PLCB1: variants seen among roughly 807,000 people sequenced by gnomAD.
The protein encoded by PLCB1 is phospholipase C beta 1, also known as 1-phosphatidylinositol 4,5-bisphosphate phosphodiesterase beta-1.
A neutral mutation model predicts 161.8 loss-of-function variants in PLCB1; 46 were observed. That is an observed-to-expected ratio of 0.28 (90% CI 0.22 to 0.36). PLCB1 has a LOEUF of 0.36. PLCB1 is among the 10% of genes least tolerant of loss of function. The pLI, the probability that PLCB1 is intolerant of heterozygous loss-of-function variation, is 1.00. For synonymous variants in PLCB1, 517 were observed against 503.7 expected (o/e 1.03, Z -0.35); for missense variants, 1,016 against 1,472.5 (o/e 0.69, Z 5.07).
chr20:8,429,312 G>T (rs754241420), intron 3 of PLCB1, among the ~76,000 whole-genome samples: 2 of 152,192 alleles, frequency 1.3e-5, no homozygotes, highest in African/African-American at 4.8e-5. Context: ...AATAACTCAT[G>T]TTGGAAAGAC....
Position 8,692,828 on chromosome 20 carries a change from C to T in PLCB1, c.1010-4798C>T, listed in dbSNP as rs1408235132. Among the ~76,000 whole-genome samples, 3 of 152,076 alleles carry T rather than the reference C, an allele frequency of 2.0e-5. No homozygotes were observed. In the East Asian group the frequency reaches 5.8e-4, roughly 29 times the overall value. Reference sequence around the variant, plus strand: ...AGTGAAGAAAATGTTCCTAGAGGTTCCCTGACAGCCCCCCACCTCCATCCC... The same window carrying T: ...AGTGAAGAAAATGTTCCTAGAGGTTTCCTGACAGCCCCCCACCTCCATCCC... On this transcript the variant is annotated intron_variant, in intron 10 of 31. Coordinates refer to ENST00000338037, the MANE Select transcript of PLCB1 (RefSeq NM_015192.4).
At chr20:8,337,182 A>G (rs1985613103) in intron 2 of PLCB1, among the ~76,000 whole-genome samples, 1 of 152,236 alleles carries the variant, frequency 6.6e-6, no homozygotes. Context: ...TATGCATTAA[A>G]TTATTTAATC....
intron 2 of PLCB1, among the ~76,000 whole-genome samples, chr20:8,326,430 C>T (rs939268257): frequency 1.3e-5 from 2 of 152,262 alleles, no homozygotes; most frequent in South Asian, 2.1e-4. Flanking sequence ...AAAGAATAGG[C>T]GATTTTCAGT....
At chr20:8,325,635 G>A (rs2122175094) in intron 2 of PLCB1, among the ~76,000 whole-genome samples, 1 of 152,256 alleles carries the variant, frequency 6.6e-6, no homozygotes, top group African/African-American at 2.4e-5. Flanking sequence ...TTAAAGACAA[G>A]GGTCAGGAAG....
chr20:8,657,490 G>C (rs182309570), intron 8 of PLCB1, among the ~76,000 whole-genome samples: 1 of 152,170 alleles, frequency 6.6e-6, no homozygotes, highest in East Asian at 1.9e-4. Flanking sequence ...AGTTTGCTGT[G>C]ATATATTGCT....
At chr20:8,356,785 A>G (rs552896959) in intron 2 of PLCB1, among the ~76,000 whole-genome samples, 1 of 152,204 alleles carries the variant, frequency 6.6e-6, no homozygotes, top group African/African-American at 2.4e-5. Flanking sequence ...GATGGGGCCT[A>G]TAAGGAGACC....
At chr20:8,153,517 A>G (rs900171754) in intron 2 of PLCB1, among the ~76,000 whole-genome samples, 8 of 152,178 alleles carry the variant, frequency 5.3e-5, no homozygotes, top group Non-Finnish European at 7.4e-5. Context: ...ACTAGAAACC[A>G]ACACAGGAAG....
At chr20:8,157,954 A>G (rs2051579470) in intron 2 of PLCB1, among the ~76,000 whole-genome samples, 1 of 152,164 alleles carries the variant, frequency 6.6e-6, no homozygotes, top group South Asian at 2.1e-4. Flanking sequence ...AAAATTCATT[A>G]CTCCTAATAT....
chr20:8,629,240 GATA>G (rs1340570962), intron 4 of PLCB1, among the ~76,000 whole-genome samples: 4 of 152,006 alleles, frequency 2.6e-5, no homozygotes, highest in Non-Finnish European at 5.9e-5. Context: ...AAAAATTTTA[GATA>G]ATAATGAAAA....
intron 3 of PLCB1, among the ~76,000 whole-genome samples, chr20:8,414,619 G>C (rs1053900824): frequency 6.6e-5 from 10 of 152,150 alleles, no homozygotes; most frequent in African/African-American, 2.4e-4. Context: ...AGTATTACTT[G>C]AGAACATTTC....
rs141009490 is a variant in PLCB1 at position 8,528,697 on chromosome 20, T to C, written c.247-99597T>C. On this transcript the variant is annotated intron_variant, in intron 3 of 31. Transcript: ENST00000338037. ...TGCCGGGATTTCCGTAACTCTTACA[T>C]AAAAGAAAGTAAAGCCTTATTTGTT... is the stretch of plus-strand genomic sequence containing the variant. Among the ~76,000 whole-genome samples, 374 of 152,068 alleles carry C rather than the reference T, an allele frequency of 2.5e-3. 2 individuals carry two copies. The highest frequency in any genetic ancestry group is 8.7e-3 in the African/African-American group (362 of 41,494).
Position 8,717,832 on chromosome 20 carries a change from C to G in PLCB1, c.1497C>G (p.Pro499=). 1 of 1,605,892 alleles carries G rather than the reference C, an allele frequency of 6.2e-7. No individual in the cohort carries two copies. Among genetic ancestry groups the G allele is most frequent in the Non-Finnish European group, 8.5e-7 (1 of 1,178,014 alleles). The part of the protein sequence containing the change: ...TYSDSSSMFE[P]SSPGAGEADT... ...GTGACTCCTCCAGCATGTTCGAGCC[C>G]TCATCCCCAGGAGCCGGTGAGGGGC... The change falls in exon 14 of 32, where the codon CCC becomes CCG. Residue 499 remains proline, a synonymous_variant. Transcript: ENST00000338037.
rs762641125 is a variant in PLCB1, at chr20:8,646,093, A to G, written c.385-9A>G. 9 of 1,598,424 alleles carry G rather than the reference A, an allele frequency of 5.6e-6. No individual in the cohort carries two copies. The highest frequency in any genetic ancestry group is 6.9e-6 in the Non-Finnish European group (8 of 1,165,794). On this transcript the variant is annotated splice_polypyrimidine_tract_variant and intron_variant, in intron 4 of 31. Coordinates refer to ENST00000338037, the MANE Select transcript of PLCB1 (RefSeq NM_015192.4). The stretch of plus-strand genomic sequence containing the variant: ...TTAAGCTAATGCAAGTGTTATTTAC[A>G]TTTTTCAGGAATGGACAAATGAGGT...
At chr20:8,751,964 G>A (rs1981501443) in intron 23 of PLCB1, 1 of 152,146 alleles carries the variant, frequency 6.6e-6, no homozygotes, top group Admixed American at 6.5e-5. Context: ...TTGGCTTACA[G>A]ATCCATATAG....
chr20:8,745,833 A>G (rs1430303608), intron 23 of PLCB1, among the ~76,000 whole-genome samples: 2 of 152,230 alleles, frequency 1.3e-5, no homozygotes, highest in East Asian at 1.9e-4. Context: ...ATATAAAAAC[A>G]TAGTAAACTA....
intron 1 of PLCB1, among the ~76,000 whole-genome samples, chr20:8,144,886 G>A (rs1011830372): frequency 3.3e-5 from 5 of 152,124 alleles, no homozygotes; most frequent in African/African-American, 1.2e-4. Flanking sequence ...CTATTCATGT[G>A]TGTTCTCTTG....
chr20:8,541,877 TGAAGTGGTAGTACA>T, intron 3 of PLCB1, among the ~76,000 whole-genome samples: 1 of 152,206 alleles, frequency 6.6e-6, no homozygotes, highest in Non-Finnish European at 1.5e-5. Flanking sequence ...TTTTGCATTT[TGAAGTGGTAGTACA>T]ATTTGGATCA....
chr20:8,593,356 T>C (rs936179892), intron 3 of PLCB1, among the ~76,000 whole-genome samples: 1 of 151,856 alleles, frequency 6.6e-6, no homozygotes, highest in African/African-American at 2.4e-5. Context: ...TGTGCGCGTG[T>C]GTGTGTGTGT....
chr20:8,665,787 C>T (rs911535978), intron 9 of PLCB1, among the ~76,000 whole-genome samples: 5 of 152,162 alleles, frequency 3.3e-5, no homozygotes, highest in African/African-American at 9.7e-5. Context: ...AATCTCTATT[C>T]TCCATCCTTG....
Sources: allele counts gnomAD v4.1 joint callset (sites outside exome capture counted in the v4.1 genomes callset), GRCh38; gene constraint gnomAD v4.1.1; transcripts MANE v1.5; gene names NCBI Gene and HGNC (gene_info 2026-07-23, HGNC 2026-07-21).